Variants in RORA observed in about 807,000 individuals in gnomAD.
The protein encoded by RORA is nuclear receptor ROR-alpha.
Under a neutral mutation model 69.5 loss-of-function variants are expected in RORA, and 7 were observed. The ratio of observed to expected loss-of-function variants is 0.10; its 90% confidence interval spans 0.06 to 0.19. RORA has a LOEUF of 0.19. Ranked by LOEUF, RORA falls within the 10% of genes least tolerant of loss-of-function variation. RORA has a pLI of 1.00. For synonymous variants in RORA, 261 were observed against 240.8 expected (o/e 1.08, Z -0.78); for missense variants, 457 against 663.0 (o/e 0.69, Z 3.41).
chr15:60,891,083 C>G (rs1461241712), intron 1 of RORA, among the ~76,000 whole-genome samples: 4 of 152,112 alleles, frequency 2.6e-5, no homozygotes, highest in Admixed American at 2.6e-4. Flanking sequence ...GATCAAGGAC[C>G]CAGAATTCTG....
intron 1 of RORA, among the ~76,000 whole-genome samples, chr15:61,081,680 C>T (rs1402371053): frequency 4.6e-5 from 7 of 151,724 alleles, no homozygotes; most frequent in East Asian, 1.9e-4. Context: ...TGGTGGCGGG[C>T]GCCTGTAGTC....
At chr15:60,646,866 G>T (rs1000999883) in intron 2 of RORA, among the ~76,000 whole-genome samples, 3 of 152,210 alleles carry the variant, frequency 2.0e-5, no homozygotes, top group Admixed American at 1.3e-4. Flanking sequence ...TCCTCACCCA[G>T]TGATAATGAC....
At chr15:60,749,791 G>A (rs1203514681) in intron 1 of RORA, among the ~76,000 whole-genome samples, 1 of 152,184 alleles carries the variant, frequency 6.6e-6, no homozygotes, top group African/African-American at 2.4e-5. Flanking sequence ...ATTTTGGAAG[G>A]CCGAGGCAGG....
chr15:60,896,070 A>G (rs1207203394), intron 1 of RORA, among the ~76,000 whole-genome samples: 1 of 152,166 alleles, frequency 6.6e-6, no homozygotes, highest in East Asian at 1.9e-4. Flanking sequence ...ATTTCTGGGC[A>G]GTCTCTGGAG....
intron 1 of RORA, among the ~76,000 whole-genome samples, chr15:60,808,193 AT>A (rs1220746070): frequency 2.0e-5 from 3 of 152,180 alleles, no homozygotes; most frequent in African/African-American, 7.2e-5. Context: ...AAGGACTAAT[AT>A]CCAGAATCTC....
intron 2 of RORA, among the ~76,000 whole-genome samples, chr15:60,659,338 C>T (rs887411152): frequency 3.9e-5 from 6 of 152,148 alleles, no homozygotes; most frequent in African/African-American, 2.4e-5. Context: ...TTGAACAAGA[C>T]ACATTACACT....
chr15:60,555,827 C>CTT (rs2067341993), intron 2 of RORA, among the ~76,000 whole-genome samples: 1 of 151,758 alleles, frequency 6.6e-6, no homozygotes, highest in Non-Finnish European at 1.5e-5. Flanking sequence ...AATGTTTTTT[C>CTT]AAATGCTGGA....
intron 1 of RORA, among the ~76,000 whole-genome samples, chr15:60,831,167 T>A (rs2073037277): frequency 6.6e-6 from 1 of 152,232 alleles, no homozygotes; most frequent in South Asian, 2.1e-4. Context: ...TGTTACTGTA[T>A]TCTCTTTCAC....
intron 1 of RORA, among the ~76,000 whole-genome samples, chr15:60,802,948 TTTC>T (rs778903065): frequency 1.2e-4 from 18 of 144,498 alleles, no homozygotes; most frequent in Non-Finnish European, 2.1e-4. Context: ...AAATGTTTTG[TTTC>T]TTTTTTAAAA....
chr15:61,186,816 G>A (rs1243523619), intron 1 of RORA, among the ~76,000 whole-genome samples: 2 of 152,172 alleles, frequency 1.3e-5, no homozygotes, highest in Non-Finnish European at 2.9e-5. Context: ...TGGGTTTGGT[G>A]AGCTCCAGTG....
At chr15:60,687,814 T>G (rs1442539547) in intron 1 of RORA, among the ~76,000 whole-genome samples, 1 of 152,182 alleles carries the variant, frequency 6.6e-6, no homozygotes, top group Non-Finnish European at 1.5e-5. Flanking sequence ...AAAAGTTTGG[T>G]ATTGTTAGAT....
intron 1 of RORA, among the ~76,000 whole-genome samples, chr15:61,179,889 C>A (rs538886492): frequency 1.6e-4 from 25 of 151,928 alleles, no homozygotes; most frequent in African/African-American, 5.3e-4. Context: ...GTAATCCCAG[C>A]ACTTTGGGAG....
intron 1 of RORA, among the ~76,000 whole-genome samples, chr15:60,880,410 G>A (rs2073665754): frequency 6.6e-6 from 1 of 152,204 alleles, no homozygotes; most frequent in African/African-American, 2.4e-5. Context: ...GGAGGCCGAG[G>A]CGGGCAGATC....
At chr15:60,919,859 A>G (rs576007788) in intron 1 of RORA, among the ~76,000 whole-genome samples, 1 of 152,310 alleles carries the variant, frequency 6.6e-6, no homozygotes, top group African/African-American at 2.4e-5. Context: ...TTTTAGTATA[A>G]AATTTCTGGA....
rs527713379 is a variant in RORA at position 61,127,463 on chromosome 15, A to C, written c.166+101590T>G. 8.9e-4 allele frequency among the ~76,000 whole-genome samples: 135 copies of C among 152,332 alleles called. 1 individual carries two copies. The highest frequency in any genetic ancestry group is 1.6e-3 in the Admixed American group (25 of 15,300). ...TTCACACCTTTTCGGCTCTTTGTTC[A>C]AACTGTACGTTATATCTCTGACTTG... On this transcript the variant is annotated intron_variant, in intron 1 of 10. Coordinates refer to ENST00000335670, the MANE Select transcript of RORA (RefSeq NM_134261.3).
At chr15:61,222,457 G>C (rs890304576) in intron 1 of RORA, among the ~76,000 whole-genome samples, 1 of 152,178 alleles carries the variant, frequency 6.6e-6, no homozygotes, top group Non-Finnish European at 1.5e-5. Context: ...CAAAAAGCCG[G>C]CCTGACTAAA....
chr15:61,026,261 G>A (rs72754751), intron 1 of RORA, among the ~76,000 whole-genome samples: 8,283 of 152,160 alleles, frequency 0.054, 332 homozygotes, highest in Non-Finnish European at 0.078. Context: ...AAAGTTCACC[G>A]TTAAAGCTAT....
At chr15:60,752,407 C>T (rs1191015672) in intron 1 of RORA, among the ~76,000 whole-genome samples, 1 of 152,082 alleles carries the variant, frequency 6.6e-6, no homozygotes, top group Non-Finnish European at 1.5e-5. Context: ...TTCCATCTCC[C>T]AATAATAGCG....
At chr15:61,003,268 G>A (rs79605796) in intron 1 of RORA, among the ~76,000 whole-genome samples, 91 of 152,176 alleles carry the variant, frequency 6.0e-4, no homozygotes, top group Non-Finnish European at 8.1e-4. Context: ...ACAATTAACC[G>A]TTATAAGAAA....
Sources: allele counts gnomAD v4.1 joint callset (sites outside exome capture counted in the v4.1 genomes callset), GRCh38; gene constraint gnomAD v4.1.1; transcripts MANE v1.5; gene names NCBI Gene and HGNC (gene_info 2026-07-23, HGNC 2026-07-21).